Variants in ACP5 observed in about 807,000 individuals in gnomAD.
ACP5 encodes tartrate-resistant acid phosphatase type 5.
Under a neutral mutation model 28.7 loss-of-function variants are expected in ACP5, and 24 were observed. The ratio of observed to expected loss-of-function variants is 0.84; its 90% CI spans 0.61 to 1.18. The LOEUF (loss-of-function observed/expected upper bound fraction) is 1.18, where lower values mean the gene tolerates loss of function less well. Ranked by LOEUF, ACP5 falls within the 50% of genes most tolerant of loss-of-function variation. The pLI is 0.00. For synonymous variants in ACP5, 154 were observed against 181.4 expected, an observed-to-expected ratio of 0.85 and a Z score of 1.21; for missense variants, 354 against 422.2, an observed-to-expected ratio of 0.84 and a Z score of 1.42.
rs1171155255 is a variant in ACP5, at chr19:11,576,729, T to TTA, written c.375_376insTA (p.Ile126Ter). The TTA allele has an allele frequency of 1.9e-6, 3 of 1,613,732 alleles. No homozygotes were observed. The highest frequency in any genetic ancestry group is 2.5e-6 in the Non-Finnish European group (3 of 1,179,958). ...AGGGTGGCTCACCAGCGCTTGGAGATCTTAGAGTATGCAATCTGGGCAGAG... is the reference window on the plus strand; with the variant it reads ...AGGGTGGCTCACCAGCGCTTGGAGATTACTTAGAGTATGCAATCTGGGCAGAG... On this transcript the variant is annotated frameshift_variant, in exon 3 of 5. Transcript: ENST00000648477. LOFTEE classifies it high-confidence loss of function.
rs764923415 is a variant in ACP5, at chr19:11,577,083, G to C, written c.235C>G (p.Gln79Glu). The C allele has an allele frequency of 6.2e-7, 1 of 1,614,086 alleles. No individual in the cohort carries two copies. The highest frequency in any genetic ancestry group is 8.5e-7 in the Non-Finnish European group (1 of 1,179,986). Reference sequence around the variant, plus strand: ...TGGAACCTCTTGTCATTGATGTCTTGCACACCAGTGAAGTAAAAATTGTCC... The same window carrying C: ...TGGAACCTCTTGTCATTGATGTCTTCCACACCAGTGAAGTAAAAATTGTCC... ...LGDNFYFTGV[Q>E]DINDKRFQET... The change falls in exon 2 of 5, where the codon CAA (glutamine) becomes GAA (glutamate). Residue 79 changes from glutamine to glutamate, a missense_variant. By Grantham distance (29) the Gln-to-Glu change is conservative. Transcript: ENST00000648477. This position sits in a 1 kb window ranked among gnomAD's most constrained non-coding sequence, Gnocchi z 5.7.
At chr19:11,578,939 G>T (rs1599640437), upstream of ACP5, 1 of 152,340 alleles carries the variant, frequency 6.6e-6, no homozygotes, top group Non-Finnish European at 1.5e-5. Flanking sequence ...GGCAGCGGCC[G>T]ATCCGCCCTG....
rs368852148 is a variant in ACP5 at position 11,576,342 on chromosome 19, G to A, written c.636C>T (p.Ala212=). 102 of 1,610,574 alleles carry A rather than the reference G, an allele frequency of 6.3e-5. No individual in the cohort carries two copies. Among genetic ancestry groups the A allele is most frequent in the Non-Finnish European group, 8.0e-5 (94 of 1,178,804 alleles). Residue 212 remains alanine, a synonymous_variant, in exon 4 of 5, where the codon GCC becomes GCT. Coordinates refer to ENST00000648477, the MANE Select transcript of ACP5 (RefSeq NM_001611.5). The part of the protein sequence containing the change: ...VAGHYPVWSI[A]EHGPTHCLVK... Reference sequence around the variant, plus strand: ...CCAGGCAGTGGGTAGGCCCGTGCTCGGCTATGGACCACACGGGGTAGTGGC... The same window carrying A: ...CCAGGCAGTGGGTAGGCCCGTGCTCAGCTATGGACCACACGGGGTAGTGGC...
In ACP5 at chr19:11,575,191, G is replaced by A; in HGVS notation, c.797C>T (p.Pro266Leu). The A allele has an allele frequency of 6.2e-7, 1 of 1,614,082 alleles. No homozygotes were observed. The highest frequency in any genetic ancestry group is 8.5e-7 in the Non-Finnish European group (1 of 1,180,024). Residue 266 changes from proline to leucine, a missense_variant, in exon 5 of 5, where the codon CCC (proline) becomes CTC (leucine). Physicochemically the swap from Pro to Leu is moderately conservative, Grantham distance 98 (BLOSUM62 -3). Coordinates refer to ENST00000648477, the MANE Select transcript of ACP5 (RefSeq NM_001611.5). ...GACCTTGCGCTGGTGCCGCTTTGAG[G>A]GGTCCATGAAATTCCCAGCCCCACT... ...VLSGAGNFMD[P>L]SKRHQRKVPN...
At chr19:11,576,109 G>T (rs1488141559) in intron 4 of ACP5, 134 bp downstream of exon 4, 2 of 667,294 alleles carry the variant, frequency 3.0e-6, no homozygotes, top group Non-Finnish European at 5.1e-6. Context: ...TAGACAGCAA[G>T]ATTTGAGGGA....
chr19:11,577,340 A>C lies in ACP5; in HGVS notation c.1-23T>G. On this transcript the variant is annotated intron_variant, in intron 1 of 4. Transcript: ENST00000648477. This position sits in a 1 kb window ranked among gnomAD's most constrained non-coding sequence, Gnocchi z 5.7. ...CATCTGGGAGAAGAGAGACAAGCAT[A>C]GGTGGCCCGGGCTGTGACAAGGGCA... The C allele has an allele frequency of 6.2e-7, 1 of 1,611,190 alleles. No homozygotes were observed. The highest frequency in any genetic ancestry group is 1.7e-4 in the Middle Eastern group (1 of 6,038).
Position 11,574,948 on chromosome 19 carries a change from C to T in ACP5, c.*62G>A. On this transcript the variant is annotated 3_prime_UTR_variant, in exon 5 of 5. Transcript: ENST00000648477. ...GAAAAGCCTGCCTGTGAGCAGGGTC[C>T]CGGCAGGGCCCACCCACCCAACAGT... The T allele has an allele frequency of 6.2e-7, 1 of 1,606,724 alleles. No individual in the cohort carries two copies. Among genetic ancestry groups the T allele is most frequent in the South Asian group, 1.1e-5 (1 of 90,506 alleles).
rs1973210781 is a variant in ACP5 at position 11,577,359 on chromosome 19, A to G, written c.1-42T>C. The G allele has an allele frequency of 1.2e-6, 2 of 1,601,932 alleles. No homozygotes were observed. The highest frequency in any genetic ancestry group is 2.7e-5 in the African/African-American group (2 of 74,674). Reference sequence around the variant, plus strand: ...AAGCATAGGTGGCCCGGGCTGTGACAAGGGCAGGGAGGCCTTGAGACCCCC... The same window carrying G: ...AAGCATAGGTGGCCCGGGCTGTGACGAGGGCAGGGAGGCCTTGAGACCCCC... On this transcript the variant is annotated intron_variant, in intron 1 of 4. Coordinates refer to ENST00000648477, the MANE Select transcript of ACP5 (RefSeq NM_001611.5). The surrounding 1 kb of genome is among the most constrained non-coding windows in gnomAD (Gnocchi z 5.7).
chr19:11,577,093 G>A lies in ACP5; in HGVS notation c.225C>T (p.Phe75=), dbSNP rs62638747. 183,734 of 1,613,984 alleles carry A rather than the reference G, an allele frequency of 0.11. 11,166 individuals are homozygous for A. The highest frequency in any genetic ancestry group is 0.17 in the Middle Eastern group (1,026 of 6,062). Residue 75 remains phenylalanine (F), a synonymous_variant, in exon 2 of 5, where the codon TTC becomes TTT. Transcript: ENST00000648477. This position sits in a 1 kb window ranked among gnomAD's most constrained non-coding sequence, Gnocchi z 5.7. ...TGTCATTGATGTCTTGCACACCAGT[G>A]AAGTAAAAATTGTCCCCTAGAGACA... The part of the protein sequence containing the change: ...FILSLGDNFY[F]TGVQDINDKR...
intron 4 of ACP5, 29 bp from the exon 5 acceptor site, chr19:11,575,281 A>T: frequency 6.2e-7 from 1 of 1,612,890 alleles, no homozygotes; most frequent in Non-Finnish European, 8.5e-7. Flanking sequence ...GGGTCAGTGG[A>T]GACCCAGCTT....
At chr19:11,575,363 C>A in intron 4 of ACP5, 111 bp from the exon 5 acceptor site, 1 of 1,321,700 alleles carries the variant, frequency 7.6e-7, no homozygotes, top group Non-Finnish European at 1.1e-6. Context: ...GGTATGTAAC[C>A]CCTCCTGGCT....
chr19:11,577,409 T>C lies in ACP5; in HGVS notation c.1-92A>G, dbSNP rs1029768838. 62 of 1,444,822 alleles carry C rather than the reference T, an allele frequency of 4.3e-5. No homozygotes were observed. Among genetic ancestry groups the C allele is most frequent in the Non-Finnish European group, 5.7e-5 (60 of 1,049,884 alleles). The allele number at this position is 1,444,822 out of a possible 1,614,324, so 89.5% of individuals were successfully genotyped here. A position where few individuals can be genotyped will look rare whatever the true frequency, so the allele number is the denominator to read the frequency against. On this transcript the variant is annotated intron_variant, in intron 1 of 4. Coordinates refer to ENST00000648477, the MANE Select transcript of ACP5 (RefSeq NM_001611.5). This position sits in a 1 kb window ranked among gnomAD's most constrained non-coding sequence, Gnocchi z 5.7. ...CGCCTGCCCTGAGATAGAGGGAGACTGCTTGCTGCAGGCTGCCCCTGCGGG... is the reference window on the plus strand; with the variant it reads ...CGCCTGCCCTGAGATAGAGGGAGACCGCTTGCTGCAGGCTGCCCCTGCGGG...
In ACP5 at chr19:11,576,417, C is replaced by A; in HGVS notation, c.561G>T (p.Trp187Cys). 1.9e-6 allele frequency: 3 copies of A among 1,613,874 alleles called. No individual in the cohort carries two copies. In the South Asian group the frequency reaches 3.3e-5, roughly 18 times the overall value. ...DVKLARTQLS[W>C]LKKQLAAARE... Reference sequence around the variant, plus strand: ...TGGCCGCCGCCAGCTGTTTCTTGAGCCAGGACAGCTGTGTGCGGGCCAGCT... The same window carrying A: ...TGGCCGCCGCCAGCTGTTTCTTGAGACAGGACAGCTGTGTGCGGGCCAGCT... The change falls in exon 4 of 5, where the codon TGG (tryptophan) becomes TGT (cysteine). Residue 187 changes from tryptophan to cysteine, a missense_variant. Coordinates refer to ENST00000648477, the MANE Select transcript of ACP5 (RefSeq NM_001611.5).
At position 11,576,449 on chromosome 19, in the gene ACP5, C is replaced by A. The variant is rs766846705; in HGVS notation, c.529G>T (p.Asp177Tyr). ...FLSQQPERPR[D>Y]VKLARTQLSW... ...AGCTGTGTGCGGGCCAGCTTCACGT[C>A]TCGGGGCCTCTCAGGCTGCTGGCTG... is the stretch of plus-strand genomic sequence containing the variant. Residue 177 changes from aspartate to tyrosine, a missense_variant, in exon 4 of 5, where the codon GAC becomes TAC. By Grantham distance (160) the Asp-to-Tyr change is radical. Transcript: ENST00000648477. 1.9e-6 allele frequency: 3 copies of A among 1,614,148 alleles called. No homozygotes were observed. Among genetic ancestry groups the A allele is most frequent in the Non-Finnish European group, 2.5e-6 (3 of 1,180,036 alleles).
At position 11,576,231 on chromosome 19, in the gene ACP5, C is replaced by G. The variant is rs768709730; in HGVS notation, c.735+12G>C. The G allele has an allele frequency of 3.7e-6, 6 of 1,602,212 alleles. No homozygotes were observed. The East Asian group carries it at 8.9e-5, about 24-fold the overall frequency. ...CCTCACCCAGCTCCCACCCCACCCA[C>G]AGGGCCCTCACCTGCAGATTGTGAT... On this transcript the variant is annotated intron_variant, in intron 4 of 4. Coordinates refer to ENST00000648477, the MANE Select transcript of ACP5 (RefSeq NM_001611.5).
chr19:11,575,408 A>G (rs1036560529), intron 4 of ACP5, 156 bp from the exon 5 acceptor site: 5 of 877,334 alleles, frequency 5.7e-6, no homozygotes, highest in Admixed American at 4.3e-5. Flanking sequence ...TATTAATCCT[A>G]TTTCATAGGT....
rs759465288 is a variant in ACP5 at position 11,574,975 on chromosome 19, G to C, written c.*35C>G. On this transcript the variant is annotated 3_prime_UTR_variant, in exon 5 of 5. Transcript: ENST00000648477. The stretch of plus-strand genomic sequence containing the variant: ...GGCAGGGCCCACCCACCCAACAGTG[G>C]AGATCGGGCCTCAGAGCTGGGCAGT... 9 of 1,613,298 alleles carry C rather than the reference G, an allele frequency of 5.6e-6. No homozygotes were observed. In the African/African-American group the frequency reaches 1.2e-4, roughly 22 times the overall value.
chr19:11,577,472 G>A lies in ACP5; in HGVS notation c.-1+121C>T. ...CCCTAATTCTCAGGACACACAAGCTGCACAAGGCTGCACAAGCTGGCTTAG... is the reference window on the plus strand; with the variant it reads ...CCCTAATTCTCAGGACACACAAGCTACACAAGGCTGCACAAGCTGGCTTAG... On this transcript the variant is annotated intron_variant, in intron 1 of 4. Transcript: ENST00000648477. This position sits in a 1 kb window ranked among gnomAD's most constrained non-coding sequence, Gnocchi z 5.7. The A allele has an allele frequency of 1.2e-6, 1 of 823,286 alleles. No homozygotes were observed. The highest frequency in any genetic ancestry group is 2.0e-6 in the Non-Finnish European group (1 of 505,478). 51.0% of individuals were successfully genotyped at this position (823,286 alleles called of 1,614,324 possible).
At chr19:11,578,850 T>C (rs1973271800), upstream of ACP5, 1 of 152,234 alleles carries the variant, frequency 6.6e-6, no homozygotes, top group Admixed American at 6.5e-5. Context: ...TCACCTGCCG[T>C]CGCGGGGCGG....
Sources: allele counts gnomAD v4.1 joint callset, GRCh38; gene constraint gnomAD v4.1.1; non-coding constraint Gnocchi (gnomAD v3.1); transcripts MANE v1.5; gene names NCBI Gene and HGNC (gene_info 2026-07-23, HGNC 2026-07-21).